RAB40B: variants seen among roughly 807,000 people sequenced by gnomAD.
RAB40B encodes RAB40B, member RAS oncogene family, also known as ras-related protein Rab-40B.
A neutral mutation model predicts 24.0 loss-of-function variants in RAB40B; 21 were observed. The observed-to-expected ratio is 0.88, with a 90% CI of 0.62 to 1.26. The LOEUF is 1.26. Among genes scored for constraint, RAB40B ranks in the 50% most tolerant of loss-of-function variants. The pLI, the probability that RAB40B is intolerant of heterozygous loss-of-function variation, is 0.00. For missense variants in RAB40B, 348 were observed against 390.5 expected, an observed-to-expected ratio of 0.89 and a Z score of 0.92; for synonymous variants, 167 against 169.8, an observed-to-expected ratio of 0.98 and a Z score of 0.13.
chr17:82,678,879 G>GTT (rs35848277), intron 1 of RAB40B, among the ~76,000 whole-genome samples: 7,835 of 99,096 alleles, frequency 0.079, 1,055 homozygotes, highest in East Asian at 0.15. Context: ...CCCTTTCTGC[G>GTT]TTTTTTTTTT....
At chr17:82,698,273 C>T (rs2143572217) in intron 1 of RAB40B, among the ~76,000 whole-genome samples, 182 bp downstream of exon 1, 1 of 151,866 alleles carries the variant, frequency 6.6e-6, no homozygotes. Context: ...CCGCGCTCCT[C>T]CTCAGCCCCG....
At chr17:82,685,721 G>A (rs2046492799) in intron 1 of RAB40B, among the ~76,000 whole-genome samples, 1 of 152,186 alleles carries the variant, frequency 6.6e-6, no homozygotes, top group Non-Finnish European at 1.5e-5. Context: ...TATCTATACT[G>A]GGTTGAAGTG....
intron 1 of RAB40B, among the ~76,000 whole-genome samples, chr17:82,685,204 A>T (rs2046485675): frequency 7.6e-6 from 1 of 130,938 alleles, no homozygotes; most frequent in African/African-American, 2.8e-5. Flanking sequence ...AGGAAGCGGG[A>T]GAGGAAAGGA....
chr17:82,664,069 G>T (rs2046214665), intron 2 of RAB40B, among the ~76,000 whole-genome samples: 1 of 145,672 alleles, frequency 6.9e-6, no homozygotes. Context: ...CGACGGTGGT[G>T]GGGGGAGGGT....
chr17:82,658,971 C>T (rs1598292196), intron 4 of RAB40B: 7 of 472,190 alleles, frequency 1.5e-5, no homozygotes, highest in Non-Finnish European at 2.3e-5. Flanking sequence ...GGCCATGTTA[C>T]GCGAAGGCAG....
At chr17:82,691,571 A>AC (rs1432004551) in intron 1 of RAB40B, among the ~76,000 whole-genome samples, 3 of 152,084 alleles carry the variant, frequency 2.0e-5, no homozygotes, top group African/African-American at 7.2e-5. Flanking sequence ...AATCCCAGCT[A>AC]CTCGGGGGGC....
intron 1 of RAB40B, among the ~76,000 whole-genome samples, chr17:82,676,746 G>C (rs1264421375): frequency 4.6e-5 from 7 of 151,970 alleles, no homozygotes; most frequent in Non-Finnish European, 8.8e-5. Context: ...TCCTGCCTCA[G>C]CCTCTCCAGC....
intron 2 of RAB40B, among the ~76,000 whole-genome samples, chr17:82,661,707 T>TGAAA (rs1238721205): frequency 6.6e-6 from 1 of 151,738 alleles, no homozygotes. Flanking sequence ...GCCAACATAG[T>TGAAA]GAAACCCCGT....
Position 82,698,646 on chromosome 17 carries a change from A to G in RAB40B, c.-50T>C. 8.1e-7 allele frequency: 1 copy of G among 1,240,530 alleles called. No individual in the cohort carries two copies. Among genetic ancestry groups the G allele is most frequent in the Non-Finnish European group, 1.0e-6 (1 of 980,524 alleles). The allele number at this position is 1,240,530 out of a possible 1,614,324, so 76.8% of individuals were successfully genotyped here. On this transcript the variant is annotated 5_prime_UTR_variant, in exon 1 of 6. Coordinates refer to ENST00000571995, the MANE Select transcript of RAB40B (RefSeq NM_006822.3). ...ATGCCCGGCCTGCGGGGCTGAGCGC[A>G]GAGGCGGCGGCCCGGCCCCGAGAGG...
intron 1 of RAB40B, among the ~76,000 whole-genome samples, chr17:82,684,080 G>A (rs1317333118): frequency 2.0e-5 from 3 of 151,954 alleles, no homozygotes; most frequent in African/African-American, 7.3e-5. Flanking sequence ...AATTAGCTGG[G>A]TGTGGTGGCA....
At chr17:82,685,217 G>A (rs1387305311) in intron 1 of RAB40B, among the ~76,000 whole-genome samples, 1 of 145,888 alleles carries the variant, frequency 6.9e-6, no homozygotes, top group African/African-American at 2.5e-5. Flanking sequence ...GGAAAGGAAT[G>A]GGGAGGGGGA....
intron 1 of RAB40B, among the ~76,000 whole-genome samples, chr17:82,671,628 C>A (rs576646990): frequency 9.0e-6 from 1 of 111,252 alleles, no homozygotes; most frequent in Non-Finnish European, 1.9e-5. Context: ...ACAGCTCACC[C>A]CGTAACTCTA....
In RAB40B at chr17:82,657,711, G is replaced by T. The variant is rs554086386; in HGVS notation, c.*152C>A. 5.4e-4 allele frequency: 514 copies of T among 945,052 alleles called. 6 individuals are homozygous for T. In the South Asian group the frequency reaches 6.4e-3, roughly 12 times the overall value. 58.5% of individuals were successfully genotyped at this position (945,052 alleles called of 1,614,324 possible). A position where few individuals can be genotyped will look rare whatever the true frequency, so the allele number is the denominator to read the frequency against. On this transcript the variant is annotated 3_prime_UTR_variant, in exon 6 of 6. Coordinates refer to ENST00000571995, the MANE Select transcript of RAB40B (RefSeq NM_006822.3). ...ACGTAGAAATTCGAAGTCCGACGGG[G>T]TAGTGTGTTTCCATCACACGGAAGG...
chr17:82,658,428 G>T, intron 5 of RAB40B, 63 bp downstream of exon 5: 1 of 1,557,328 alleles, frequency 6.4e-7, no homozygotes, highest in East Asian at 2.2e-5. Flanking sequence ...TATCCAGGGG[G>T]CCGCTGACCC....
chr17:82,665,681 A>T (rs1277794319), intron 1 of RAB40B, among the ~76,000 whole-genome samples: 1 of 152,108 alleles, frequency 6.6e-6, no homozygotes, highest in African/African-American at 2.4e-5. Context: ...AGCCTGACCA[A>T]TATGATGAAA....
intron 1 of RAB40B, among the ~76,000 whole-genome samples, chr17:82,686,479 T>C (rs2046503215): frequency 6.6e-6 from 1 of 152,158 alleles, no homozygotes; most frequent in Non-Finnish European, 1.5e-5. Context: ...CTAAATCCAA[T>C]GGCTAGTGTT....
intron 1 of RAB40B, among the ~76,000 whole-genome samples, chr17:82,694,430 G>A (rs2046588102): frequency 6.6e-6 from 1 of 151,480 alleles, no homozygotes; most frequent in South Asian, 2.1e-4. Flanking sequence ...TACCTGGGAG[G>A]TTGAAGCAGG....
intron 1 of RAB40B, among the ~76,000 whole-genome samples, chr17:82,689,719 A>G (rs1235925795): frequency 6.6e-6 from 1 of 152,212 alleles, no homozygotes; most frequent in Non-Finnish European, 1.5e-5. Flanking sequence ...CTGTAATCCC[A>G]GCACTTTCGG....
At chr17:82,690,276 G>C (rs1030704695) in intron 1 of RAB40B, among the ~76,000 whole-genome samples, 2 of 151,814 alleles carry the variant, frequency 1.3e-5, no homozygotes, top group Non-Finnish European at 2.9e-5. Flanking sequence ...GTGTGTTTGT[G>C]TGTCCAGGGG....
Sources: gnomAD v4.1 joint callset for allele counts (sites outside exome capture counted in the v4.1 genomes callset) on GRCh38, gnomAD v4.1.1 for gene constraint, MANE v1.5 for transcripts, NCBI Gene and HGNC (gene_info 2026-07-23, HGNC 2026-07-21) for gene names.